The following DPP10 variants were observed in gnomAD, a reference collection of about 807,000 sequenced individuals.
DPP10 encodes the protein dipeptidyl peptidase like 10, also known as inactive dipeptidyl peptidase 10.
DPP10 carries 33 observed loss-of-function variants against 120.9 expected under a neutral mutation model. That is an observed-to-expected ratio of 0.27 (90% CI 0.21 to 0.37). The LOEUF (loss-of-function observed/expected upper bound fraction) is 0.37. DPP10 is among the 10% of genes least tolerant of loss of function. The probability of loss-of-function intolerance (pLI) is 1.00; values close to 1 mark genes in which losing one functional copy is unlikely to be tolerated. For missense variants in DPP10, 816 were observed against 942.8 expected, an observed-to-expected ratio of 0.87 and a Z score of 1.76; for synonymous variants, 337 against 326.1, an observed-to-expected ratio of 1.03 and a Z score of -0.36.
intron 1 of DPP10, among the ~76,000 whole-genome samples, chr2:114,753,908 CAAAAAAAAAA>C (rs777798352): frequency 8.9e-5 from 3 of 33,758 alleles, no homozygotes; most frequent in Non-Finnish European, 1.3e-4. Flanking sequence ...GACTCCTTCT[CAAAAAAAAAA>C]AAAAAAAAAA....
At chr2:115,265,045 A>T (rs544584996) in intron 1 of DPP10, among the ~76,000 whole-genome samples, 5 of 152,088 alleles carry the variant, frequency 3.3e-5, no homozygotes, top group Admixed American at 6.5e-5. Flanking sequence ...AAACTTCTGT[A>T]CATTGCACTT....
chr2:114,523,307 T>A (rs887116197), intron 1 of DPP10, among the ~76,000 whole-genome samples: 1 of 152,050 alleles, frequency 6.6e-6, no homozygotes, highest in African/African-American at 2.4e-5. Context: ...AGGGAAGGGA[T>A]AAATAGGGGT....
chr2:115,445,892 AT>A (rs1189987023), intron 3 of DPP10, among the ~76,000 whole-genome samples: 2 of 152,132 alleles, frequency 1.3e-5, no homozygotes, highest in African/African-American at 4.8e-5. Flanking sequence ...GGAGGGAAAA[AT>A]GGTTTTGTAA....
chr2:115,037,966 T>A (rs1704345167), intron 1 of DPP10, among the ~76,000 whole-genome samples: 1 of 152,204 alleles, frequency 6.6e-6, no homozygotes, highest in Non-Finnish European at 1.5e-5. Flanking sequence ...AGAACTTGAA[T>A]CCTACCATCA....
At chr2:114,661,878 C>T (rs1012239140) in intron 1 of DPP10, among the ~76,000 whole-genome samples, 2 of 151,998 alleles carry the variant, frequency 1.3e-5, no homozygotes, top group Admixed American at 6.5e-5. Flanking sequence ...AATAATAACA[C>T]AGGAATGAAG....
At chr2:115,379,035 C>A (rs1025001471) in intron 3 of DPP10, among the ~76,000 whole-genome samples, 3 of 152,042 alleles carry the variant, frequency 2.0e-5, no homozygotes, top group Non-Finnish European at 2.9e-5. Context: ...TTTCTCTGCC[C>A]GGCTTTGGTA....
chr2:115,801,828 G>T (rs554260242), intron 19 of DPP10, among the ~76,000 whole-genome samples: 24 of 152,170 alleles, frequency 1.6e-4, no homozygotes, highest in African/African-American at 5.8e-4. Context: ...TGCTGGATTC[G>T]GTTTGCCAGT....
intron 1 of DPP10, among the ~76,000 whole-genome samples, chr2:114,663,250 ATATATATATC>A (rs1697575436): frequency 6.8e-6 from 1 of 147,778 alleles, no homozygotes; most frequent in Non-Finnish European, 1.5e-5. Context: ...GTGTGTATAT[ATATATATATC>A]TATATATATA....
chr2:114,779,956 G>A (rs1682149484), intron 1 of DPP10, among the ~76,000 whole-genome samples: 1 of 152,112 alleles, frequency 6.6e-6, no homozygotes, highest in Non-Finnish European at 1.5e-5. Context: ...CTAACATGGT[G>A]AAACCCCATC....
At chr2:114,679,977 C>T (rs973735971) in intron 1 of DPP10, among the ~76,000 whole-genome samples, 6 of 151,920 alleles carry the variant, frequency 3.9e-5, no homozygotes, top group African/African-American at 7.2e-5. Flanking sequence ...CAGGATTCTC[C>T]GCAGGTATTT....
intron 1 of DPP10, among the ~76,000 whole-genome samples, chr2:115,260,714 A>G (rs930369123): frequency 2.6e-5 from 4 of 152,176 alleles, no homozygotes; most frequent in Non-Finnish European, 5.9e-5. Flanking sequence ...AGCTCATTTT[A>G]GTGCTATTTT....
chr2:114,937,738 G>A (rs150850183), intron 1 of DPP10, among the ~76,000 whole-genome samples: 8 of 152,200 alleles, frequency 5.3e-5, no homozygotes, highest in Admixed American at 2.0e-4. Flanking sequence ...TACTCTGAAC[G>A]TGCCCAATCT....
At chr2:115,363,420 G>A (rs904513240) in intron 3 of DPP10, among the ~76,000 whole-genome samples, 1 of 152,184 alleles carries the variant, frequency 6.6e-6, no homozygotes, top group Non-Finnish European at 1.5e-5. Context: ...TCATGGTTAA[G>A]TGGCATCAGT....
intron 1 of DPP10, among the ~76,000 whole-genome samples, chr2:115,202,669 G>A (rs1220622083): frequency 6.6e-6 from 1 of 152,158 alleles, no homozygotes; most frequent in African/African-American, 2.4e-5. Flanking sequence ...TTCTAGAGCA[G>A]CACTGTCCAA....
intron 1 of DPP10, among the ~76,000 whole-genome samples, chr2:115,147,834 A>G (rs951976539): frequency 3.3e-5 from 5 of 152,122 alleles, no homozygotes; most frequent in Non-Finnish European, 7.4e-5. Context: ...AGGTGAAAAG[A>G]ATGTGTATTT....
chr2:115,297,431 T>C, intron 1 of DPP10: 1 of 164,870 alleles, frequency 6.1e-6, no homozygotes, highest in East Asian at 1.8e-4. Flanking sequence ...CACACTTTGA[T>C]ATAAAATTAA....
chr2:114,532,591 A>G (rs533185046), intron 1 of DPP10, among the ~76,000 whole-genome samples: 7 of 151,950 alleles, frequency 4.6e-5, no homozygotes, highest in Non-Finnish European at 1.0e-4. Flanking sequence ...AGTACTCACC[A>G]TCCTGTTTTT....
intron 5 of DPP10, among the ~76,000 whole-genome samples, chr2:115,561,966 T>G (rs2149053286): frequency 6.6e-6 from 1 of 152,308 alleles, no homozygotes; most frequent in African/African-American, 2.4e-5. Context: ...CCTCATCTCC[T>G]TCCTTTCTGT....
chr2:115,206,744 TG>T, intron 1 of DPP10, among the ~76,000 whole-genome samples: 1 of 152,312 alleles, frequency 6.6e-6, no homozygotes, highest in East Asian at 1.9e-4. Context: ...TATTGATGTC[TG>T]GTACTGTAAG....
Sources: allele counts gnomAD v4.1 joint callset (sites outside exome capture counted in the v4.1 genomes callset), GRCh38; gene constraint gnomAD v4.1.1; transcripts MANE v1.5; gene names NCBI Gene and HGNC (gene_info 2026-07-23, HGNC 2026-07-21).